PHACTR2: variants seen among roughly 807,000 people sequenced by gnomAD.
PHACTR2 encodes the protein phosphatase and actin regulator 2.
Under a neutral mutation model 76.0 loss-of-function variants are expected in PHACTR2, and 30 were observed. The ratio of observed to expected loss-of-function variants is 0.39; its 90% confidence interval spans 0.30 to 0.54. The LOEUF is 0.54. Ranked by LOEUF, PHACTR2 falls within the 20% of genes least tolerant of loss-of-function variation. PHACTR2 has a pLI of 0.61. For synonymous variants in PHACTR2, 292 were observed against 292.5 expected (o/e 1.00, Z 0.02); for missense variants, 696 against 781.1 (o/e 0.89, Z 1.30).
In PHACTR2 at chr6:143,647,417, T is replaced by C. The variant is rs1010494096; in HGVS notation, c.13+39095T>C. Among the ~76,000 whole-genome samples, 1 of 152,228 alleles carries C rather than the reference T, an allele frequency of 6.6e-6. No individual in the cohort carries two copies. The highest frequency in any genetic ancestry group is 1.5e-5 in the Non-Finnish European group (1 of 68,038). On this transcript the variant is annotated intron_variant, in intron 1 of 11. Transcript: ENST00000305766. The surrounding 1 kb of genome is among the most constrained non-coding windows in gnomAD (Gnocchi z 4.2). ...TGCAGTAAATGGAAACCATTTCACA[T>C]GTGTTTATTCATTCACACCTACAGT...
rs1201579211 is a variant in PHACTR2, at chr6:143,678,131, T to C, written c.-33T>C. 3 of 1,545,940 alleles carry C rather than the reference T, an allele frequency of 1.9e-6. No homozygotes were observed. Among genetic ancestry groups the C allele is most frequent in the Admixed American group, 2.0e-5 (1 of 50,864 alleles). On this transcript the variant is annotated 5_prime_UTR_variant, in exon 1 of 13. Coordinates refer to ENST00000440869, the MANE Select transcript of PHACTR2 (RefSeq NM_001100164.2). This position sits in a 1 kb window ranked among gnomAD's most constrained non-coding sequence, Gnocchi z 6.2. ...ATGATCGAAGGACCAAAGGAGCCGC[T>C]TGATCGCTGGACCTGGCCCTGCGAC...
In PHACTR2 at chr6:143,585,503, G is replaced by A. The variant is rs551575359; in HGVS notation, c.217+48296G>A. Among the ~76,000 whole-genome samples the A allele has an allele frequency of 4.1e-3, 625 of 152,312 alleles. 8 individuals are homozygous for A. The highest frequency in any genetic ancestry group is 0.014 in the African/African-American group (593 of 41,566). On this transcript the variant is annotated intron_variant, in intron 1 of 11. Coordinates refer to the PHACTR2 transcript ENST00000367584. The surrounding 1 kb of genome is among the most constrained non-coding windows in gnomAD (Gnocchi z 5.2). ...CTTCAGGAGTAAGGAACTGGATTCA[G>A]AAACAAGAGCTGCCAGTGCCGCATA... is the stretch of plus-strand genomic sequence containing the variant.
At chr6:143,564,935 G>C (rs966844847) in intron 1 of PHACTR2, among the ~76,000 whole-genome samples, 3 of 152,082 alleles carry the variant, frequency 2.0e-5, no homozygotes, top group Admixed American at 2.0e-4. Flanking sequence ...TTTCTACAAA[G>C]GAAAAGGTGT....
chr6:143,672,252 G>A lies in PHACTR2; in HGVS notation c.14-39764G>A, dbSNP rs1001850049. ...TAACTTATTCTTCAAAAAGCTGCAA[G>A]CAAGCCTGGGCAATATAGTGAGACC... On this transcript the variant is annotated intron_variant, in intron 1 of 11. Transcript: ENST00000305766. This position sits in a 1 kb window ranked among gnomAD's most constrained non-coding sequence, Gnocchi z 5.8. 5.3e-5 allele frequency among the ~76,000 whole-genome samples: 8 copies of A among 150,680 alleles called. No individual in the cohort carries two copies. Among genetic ancestry groups the A allele is most frequent in the African/African-American group, 2.0e-4 (8 of 40,832 alleles).
chr6:143,604,286 C>A (rs1775843490), upstream of PHACTR2, among the ~76,000 whole-genome samples: 1 of 152,112 alleles, frequency 6.6e-6, no homozygotes, highest in African/African-American at 2.4e-5. Flanking sequence ...ACCAAGCAAT[C>A]TAATTACGTG....
At position 143,806,798 on chromosome 6, in the gene PHACTR2, A is replaced by T. The variant is rs1252103537; in HGVS notation, c.1846-259A>T. Among the ~76,000 whole-genome samples the T allele has an allele frequency of 6.6e-6, 1 of 152,110 alleles. No homozygotes were observed. Among genetic ancestry groups the T allele is most frequent in the Admixed American group, 6.5e-5 (1 of 15,276 alleles). Reference sequence around the variant, plus strand: ...TTGAGACTGTGTCTCTACCAAAAAAAATTTAAAAATTAGCTGAGCATGGTG... The same window carrying T: ...TTGAGACTGTGTCTCTACCAAAAAATATTTAAAAATTAGCTGAGCATGGTG... On this transcript the variant is annotated intron_variant, in intron 11 of 12. Transcript: ENST00000440869. This position sits in a 1 kb window ranked among gnomAD's most constrained non-coding sequence, Gnocchi z 5.8.
chr6:143,812,650 A>G (rs1776203843), intron 12 of PHACTR2, among the ~76,000 whole-genome samples: 1 of 152,222 alleles, frequency 6.6e-6, no homozygotes, highest in Non-Finnish European at 1.5e-5. Context: ...TCCCCACAAG[A>G]AGTCATCCCG....
At position 143,777,051 on chromosome 6, in the gene PHACTR2, G is replaced by C. The variant is rs1428292726; in HGVS notation, c.1590-277G>C. ...AAACTCAGTCACAGCACGATACCTG[G>C]CTTCTAGGGAGGCAGAAGTCTGTAG... On this transcript the variant is annotated intron_variant, in intron 8 of 12. Coordinates refer to ENST00000440869, the MANE Select transcript of PHACTR2 (RefSeq NM_001100164.2). This position sits in a 1 kb window ranked among gnomAD's most constrained non-coding sequence, Gnocchi z 4.6. Among the ~76,000 whole-genome samples the C allele has an allele frequency of 6.6e-6, 1 of 151,742 alleles. No homozygotes were observed. The highest frequency in any genetic ancestry group is 2.4e-5 in the African/African-American group (1 of 41,286).
chr6:143,719,566 T>G (rs964837354), intron 2 of PHACTR2, among the ~76,000 whole-genome samples: 5 of 149,466 alleles, frequency 3.3e-5, no homozygotes, highest in African/African-American at 1.2e-4. Flanking sequence ...GCCAGGCTGG[T>G]CTTGAACTCC....
chr6:143,692,205 G>A (rs546175933), intron 1 of PHACTR2, among the ~76,000 whole-genome samples: 6 of 152,166 alleles, frequency 3.9e-5, no homozygotes, highest in Non-Finnish European at 7.4e-5. Flanking sequence ...CAGGACTGGG[G>A]AGGGCAGTCT....
intron 1 of PHACTR2, among the ~76,000 whole-genome samples, chr6:143,614,151 G>A (rs1352078897): frequency 6.6e-6 from 1 of 152,182 alleles, no homozygotes; most frequent in Non-Finnish European, 1.5e-5. Flanking sequence ...GAACCCGGGA[G>A]GCAGAGGTTG....
rs1776072995 is a variant in PHACTR2 at position 143,617,286 on chromosome 6, T to C, written c.13+8964T>C. ...TGATGGAATTCAACACCCAGTTTTG[T>C]ACTTACTGGAAGTTCATCTGAGATT... On this transcript the variant is annotated intron_variant, in intron 1 of 11. Transcript: ENST00000305766. This position sits in a 1 kb window ranked among gnomAD's most constrained non-coding sequence, Gnocchi z 4.8. 6.6e-6 allele frequency among the ~76,000 whole-genome samples: 1 copy of C among 152,238 alleles called. No individual in the cohort carries two copies. The highest frequency in any genetic ancestry group is 2.1e-4 in the South Asian group (1 of 4,830).
intron 1 of PHACTR2, among the ~76,000 whole-genome samples, chr6:143,687,006 T>C (rs1777541099): frequency 6.6e-6 from 1 of 152,188 alleles, no homozygotes; most frequent in Non-Finnish European, 1.5e-5. Context: ...TTGTCAGTGA[T>C]GAAAATGAAA....
intron 1 of PHACTR2, among the ~76,000 whole-genome samples, chr6:143,542,801 A>G (rs1781183121): frequency 6.6e-6 from 1 of 152,240 alleles, no homozygotes; most frequent in South Asian, 2.1e-4. Flanking sequence ...AGCAAGACAG[A>G]GATCATATGC....
rs141057120 is a variant in PHACTR2, at chr6:143,667,399, T to C, written c.14-44617T>C. Reference sequence around the variant, plus strand: ...TCTATATGAAATTTAAAGTAGTTTTTTAAAAATTCTTTGAAGTCAGTGGTA... The same window carrying C: ...TCTATATGAAATTTAAAGTAGTTTTCTAAAAATTCTTTGAAGTCAGTGGTA... On this transcript the variant is annotated intron_variant, in intron 1 of 11. Transcript: ENST00000305766. 4.5e-3 allele frequency among the ~76,000 whole-genome samples: 688 copies of C among 152,338 alleles called. 4 individuals are homozygous for C. Among genetic ancestry groups the C allele is most frequent in the African/African-American group, 0.015 (629 of 41,578 alleles).
intron 1 of PHACTR2, among the ~76,000 whole-genome samples, chr6:143,694,367 T>C (rs994137738): frequency 1.3e-5 from 2 of 152,206 alleles, no homozygotes; most frequent in Non-Finnish European, 2.9e-5. Context: ...GAGCACCAAA[T>C]TGATCGAGTA....
Position 143,753,997 on chromosome 6 carries a change from T to A in PHACTR2, c.454+85T>A. 1 of 817,506 alleles carries A rather than the reference T, an allele frequency of 1.2e-6. No individual in the cohort carries two copies. Among genetic ancestry groups the A allele is most frequent in the Non-Finnish European group, 1.8e-6 (1 of 552,838 alleles). 50.6% of individuals were successfully genotyped at this position (817,506 alleles called of 1,614,324 possible). A position where few individuals can be genotyped will look rare whatever the true frequency, so the allele number is the denominator to read the frequency against. On this transcript the variant is annotated intron_variant, in intron 4 of 12. Transcript: ENST00000440869. The surrounding 1 kb of genome is among the most constrained non-coding windows in gnomAD (Gnocchi z 4.6). Reference sequence around the variant, plus strand: ...GCACTTAGGCTCCAACTAGTGACTCTAAAACCAGCAGTCTGCAGAGGAGAG... The same window carrying A: ...GCACTTAGGCTCCAACTAGTGACTCAAAAACCAGCAGTCTGCAGAGGAGAG...
intron 11 of PHACTR2, among the ~76,000 whole-genome samples, chr6:143,790,389 T>C (rs1775654561): frequency 1.3e-5 from 2 of 151,534 alleles, no homozygotes; most frequent in Non-Finnish European, 2.9e-5. Context: ...ATCACTGGAG[T>C]AGCAGGTCAG....
At chr6:143,650,886 T>C (rs112673163) in intron 1 of PHACTR2, among the ~76,000 whole-genome samples, 24,780 of 152,058 alleles carry the variant, frequency 0.16, 2,147 homozygotes, top group East Asian at 0.35. Flanking sequence ...GTCATCAGAA[T>C]GAACAGACAA....
Sources: allele counts gnomAD v4.1 joint callset (sites outside exome capture counted in the v4.1 genomes callset), GRCh38; gene constraint gnomAD v4.1.1; non-coding constraint Gnocchi (gnomAD v3.1); transcripts MANE v1.5; gene names NCBI Gene and HGNC (gene_info 2026-07-23, HGNC 2026-07-21).